Variants in SHROOM4 observed in about 807,000 individuals in gnomAD.
SHROOM4 encodes the protein protein Shroom4.
Under a neutral mutation model 80.3 loss-of-function variants are expected in SHROOM4, and 17 were observed. The observed-to-expected ratio is 0.21, with a 90% CI of 0.14 to 0.32. The LOEUF (loss-of-function observed/expected upper bound fraction) is 0.32. Ranked by LOEUF, SHROOM4 falls within the 10% of genes least tolerant of loss-of-function variation. The probability of loss-of-function intolerance (pLI) is 1.00; values close to 1 mark genes in which losing one functional copy is unlikely to be tolerated. For missense variants in SHROOM4, 993 were observed against 1,140.3 expected, an observed-to-expected ratio of 0.87 and a Z score of 1.86; for synonymous variants, 400 against 437.5, an observed-to-expected ratio of 0.91 and a Z score of 1.07.
chrX:50,768,541 C>T (rs1460462545), intron 1 of SHROOM4, among the ~76,000 whole-genome samples: 1 of 111,917 alleles, frequency 8.9e-6, no homozygotes, highest in Non-Finnish European at 1.9e-5. Flanking sequence ...CCTTATAGTT[C>T]TGAAAGAAAT....
intron 2 of SHROOM4, among the ~76,000 whole-genome samples, chrX:50,678,975 G>C (rs782384040): frequency 3.6e-5 from 4 of 111,654 alleles, no homozygotes; most frequent in Non-Finnish European, 7.5e-5. Context: ...TTCTGCCAAA[G>C]TCAACCAGTA....
chrX:50,747,737 A>G (rs977856968), intron 1 of SHROOM4, among the ~76,000 whole-genome samples: 82 of 112,251 alleles, frequency 7.3e-4, no homozygotes, highest in East Asian at 3.4e-3. Context: ...GGCTCAAACA[A>G]GAAAGAATTC....
chrX:50,677,601 G>A (rs1159878148), intron 2 of SHROOM4, among the ~76,000 whole-genome samples: 2 of 111,281 alleles, frequency 1.8e-5, no homozygotes, highest in African/African-American at 6.5e-5. Context: ...GTGAAAAAGA[G>A]GTGAGAAAAT....
intron 1 of SHROOM4, among the ~76,000 whole-genome samples, chrX:50,722,904 T>C (rs1438215725): frequency 9.0e-6 from 1 of 110,852 alleles, no homozygotes; most frequent in African/African-American, 3.3e-5. Flanking sequence ...TCTTAATTTA[T>C]AGCTTTATTG....
intron 5 of SHROOM4, among the ~76,000 whole-genome samples, chrX:50,624,259 C>A (rs967622380): frequency 3.6e-5 from 4 of 111,877 alleles, no homozygotes; most frequent in Non-Finnish European, 5.6e-5. Context: ...ATTTTCTATG[C>A]CTACCGCTTT....
intron 2 of SHROOM4, among the ~76,000 whole-genome samples, chrX:50,646,950 A>G (rs1557257998): frequency 9.0e-6 from 1 of 111,469 alleles, no homozygotes; most frequent in Non-Finnish European, 1.9e-5. Context: ...CTAGGGCATT[A>G]CATTTGACCC....
chrX:50,589,515 A>C lies in SHROOM4; in HGVS notation c.*7180T>G, dbSNP rs782083625. 8.9e-6 allele frequency among the ~76,000 whole-genome samples: 1 copy of C among 111,834 alleles called. No homozygotes were observed. The highest frequency in any genetic ancestry group is 3.3e-5 in the African/African-American group (1 of 30,738). On this transcript the variant is annotated 3_prime_UTR_variant, in exon 9 of 9. Transcript: ENST00000376020. Reference sequence around the variant, plus strand: ...GATTTGCCTGTTTGGGACATTTCATATAAATTAAATCATACAATATGTGGT... The same window carrying C: ...GATTTGCCTGTTTGGGACATTTCATCTAAATTAAATCATACAATATGTGGT...
At chrX:50,735,121 C>G (rs946152278) in intron 1 of SHROOM4, among the ~76,000 whole-genome samples, 15 of 111,848 alleles carry the variant, frequency 1.3e-4, no homozygotes, top group African/African-American at 4.9e-4. Context: ...TGTAATGGCA[C>G]AAGGATAGAC....
intron 1 of SHROOM4, among the ~76,000 whole-genome samples, chrX:50,808,147 T>C (rs1936265871): frequency 9.0e-6 from 1 of 111,618 alleles, no homozygotes; most frequent in Admixed American, 9.5e-5. Context: ...CAAGATGATA[T>C]AATATTTGCC....
chrX:50,653,087 T>A (rs781888919), intron 2 of SHROOM4, among the ~76,000 whole-genome samples: 1 of 111,864 alleles, frequency 8.9e-6, no homozygotes, highest in African/African-American at 3.2e-5. Flanking sequence ...TAAAGTACGT[T>A]TTTCTAATTC....
intron 5 of SHROOM4, among the ~76,000 whole-genome samples, chrX:50,622,485 A>G (rs1930614225): frequency 8.9e-6 from 1 of 112,333 alleles, no homozygotes; most frequent in South Asian, 3.7e-4. Flanking sequence ...CCTCCTGCTA[A>G]TATTACAATT....
chrX:50,691,278 C>T (rs1440133492), intron 2 of SHROOM4, among the ~76,000 whole-genome samples: 3 of 110,905 alleles, frequency 2.7e-5, no homozygotes, highest in Non-Finnish European at 3.8e-5. Context: ...ATCTTCAATA[C>T]GGTTTGTATC....
intron 1 of SHROOM4, among the ~76,000 whole-genome samples, chrX:50,767,534 G>C (rs1047185849): frequency 4.5e-5 from 5 of 111,199 alleles, no homozygotes; most frequent in African/African-American, 1.6e-4. Flanking sequence ...AGGACCAGTG[G>C]GTCTCTCTGA....
At chrX:50,672,165 C>A (rs1056569459) in intron 2 of SHROOM4, among the ~76,000 whole-genome samples, 5 of 111,771 alleles carry the variant, frequency 4.5e-5, no homozygotes, top group African/African-American at 1.6e-4. Context: ...GTGCCCCAAA[C>A]AATTACAATA....
Position 50,634,039 on chromosome X carries a change from C to G in SHROOM4, c.2034G>C (p.Arg678Ser), listed in dbSNP as rs1557255026. The G allele has an allele frequency of 8.3e-7, 1 of 1,210,287 alleles. No individual in the cohort carries two copies. Among genetic ancestry groups the G allele is most frequent in the Non-Finnish European group, 1.1e-6 (1 of 895,205 alleles). The change falls in exon 4 of 9, where the codon AGG becomes AGC. Residue 678 changes from arginine (R) to serine (S), a missense_variant. By Grantham distance (110) the Arg-to-Ser change is moderately radical (BLOSUM62 -1). Transcript: ENST00000376020. ...LSQAPESHES[R>S]TGLEGRISPG... ...GGCTTATTCGTCCCTCTAAGCCTGT[C>G]CTAGATTCATGGCTCTCAGGGGCTT...
rs782698030 is a variant in SHROOM4, at chrX:50,782,026, T to C, written c.117+31876A>G. Reference sequence around the variant, plus strand: ...GAGTTCGAGACCAGCCTGGCCAACATGGTGAAACCCCATCTTTACTAAAAA... The same window carrying C: ...GAGTTCGAGACCAGCCTGGCCAACACGGTGAAACCCCATCTTTACTAAAAA... On this transcript the variant is annotated intron_variant, in intron 1 of 8. Coordinates refer to ENST00000376020, the MANE Select transcript of SHROOM4 (RefSeq NM_020717.5). Among the ~76,000 whole-genome samples the C allele has an allele frequency of 9.9e-5, 11 of 111,525 alleles. No homozygotes were observed. In the East Asian group the frequency reaches 2.6e-3, roughly 26 times the overall value.
At chrX:50,711,684 T>A (rs1157899217) in intron 1 of SHROOM4, among the ~76,000 whole-genome samples, 1 of 112,150 alleles carries the variant, frequency 8.9e-6, no homozygotes, top group Non-Finnish European at 1.9e-5. Context: ...CATGAATAGA[T>A]ATGAAACAAG....
At chrX:50,599,268 A>T (rs1929281797) in intron 7 of SHROOM4, among the ~76,000 whole-genome samples, 1 of 111,160 alleles carries the variant, frequency 9.0e-6, no homozygotes, top group African/African-American at 3.3e-5. Flanking sequence ...CCATTTAAGT[A>T]CCTCTCAAGT....
intron 2 of SHROOM4, among the ~76,000 whole-genome samples, chrX:50,669,474 T>A (rs1322361429): frequency 2.7e-5 from 3 of 110,820 alleles, no homozygotes; most frequent in Non-Finnish European, 5.7e-5. Context: ...CAACTAAATT[T>A]TTTTTTTGTA....
Sources: gnomAD v4.1 joint callset for allele counts (sites outside exome capture counted in the v4.1 genomes callset) on GRCh38, gnomAD v4.1.1 for gene constraint, MANE v1.5 for transcripts, NCBI Gene and HGNC (gene_info 2026-07-23, HGNC 2026-07-21) for gene names.